PID1: variants seen among roughly 807,000 people sequenced by gnomAD.
PID1 encodes the protein phosphotyrosine interaction domain containing 1.
PID1 carries 10 observed loss-of-function variants against 19.1 expected under a neutral mutation model. That is an observed-to-expected ratio of 0.52 (90% CI 0.32 to 0.89). PID1 has a LOEUF of 0.89. Among genes scored for constraint, PID1 ranks in the 40% least tolerant of loss-of-function variants. PID1 has a pLI of 0.03. For synonymous variants in PID1, 130 were observed against 116.0 expected, an observed-to-expected ratio of 1.12 and a Z score of -0.78; for missense variants, 248 against 285.3, an observed-to-expected ratio of 0.87 and a Z score of 0.94.
In PID1 at chr2:229,231,769, G is replaced by A. The variant is rs553275172; in HGVS notation, c.30+39245C>T. 5.9e-5 allele frequency among the ~76,000 whole-genome samples: 9 copies of A among 152,246 alleles called. No homozygotes were observed. The East Asian group carries it at 1.4e-3, about 23-fold the overall frequency. ...AGGTTTCTGTCATTCATGTTGCCAT[G>A]GATGTGTCTCAATAGTCCAGATGTG... On this transcript the variant is annotated intron_variant, in intron 1 of 2. Coordinates refer to ENST00000392055, the MANE Select transcript of PID1 (RefSeq NM_001100818.2).
intron 2 of PID1, among the ~76,000 whole-genome samples, chr2:229,069,141 T>TGTGTG (rs1553559147): frequency 1.6e-5 from 2 of 128,714 alleles, no homozygotes; most frequent in Non-Finnish European, 3.4e-5. Flanking sequence ...CGAGAAGGGT[T>TGTGTG]TTTGTGTGTG....
Position 229,155,887 on chromosome 2 carries a change from A to G in PID1, c.108T>C (p.His36=). 6.2e-7 allele frequency: 1 copy of G among 1,614,000 alleles called. No homozygotes were observed. Among genetic ancestry groups the G allele is most frequent in the East Asian group, 2.2e-5 (1 of 44,876 alleles). ...KKEPLPAVIF[H]EPEAIELCTT... ...TGCACAGCTCAATGGCCTCCGGCTCATGGAAGATGACCGCTGGGAGAGGTT... is the reference window on the plus strand; with the variant it reads ...TGCACAGCTCAATGGCCTCCGGCTCGTGGAAGATGACCGCTGGGAGAGGTT... The change falls in exon 2 of 3, where the codon CAT becomes CAC. Residue 36 remains histidine (H), a synonymous_variant. Transcript: ENST00000392055.
At chr2:229,158,483 A>G (rs1031226192) in intron 1 of PID1, among the ~76,000 whole-genome samples, 2 of 152,214 alleles carry the variant, frequency 1.3e-5, no homozygotes, top group Non-Finnish European at 2.9e-5. Context: ...AGGAGCAGAA[A>G]CTATTTTATT....
In PID1 at chr2:229,245,943, G is replaced by A. The variant is rs1170676422; in HGVS notation, c.30+25071C>T. The stretch of plus-strand genomic sequence containing the variant: ...CATCCTTCATTTTGGCTGTAGTTTC[G>A]TTGGTTGTTGGGCTGTTTTTCGTGC... On this transcript the variant is annotated intron_variant, in intron 1 of 2. Coordinates refer to ENST00000392055, the MANE Select transcript of PID1 (RefSeq NM_001100818.2). Among the ~76,000 whole-genome samples the A allele has an allele frequency of 2.6e-5, 4 of 152,234 alleles. No homozygotes were observed. In the East Asian group the frequency reaches 5.8e-4, roughly 22 times the overall value.
chr2:229,265,229 C>T (rs1234549360), intron 1 of PID1, among the ~76,000 whole-genome samples: 1 of 152,046 alleles, frequency 6.6e-6, no homozygotes, highest in African/African-American at 2.4e-5. Flanking sequence ...AAAGTAAGAA[C>T]TCGGTTGAAA....
chr2:229,183,404 G>A (rs1370396123), intron 1 of PID1, among the ~76,000 whole-genome samples: 1 of 152,208 alleles, frequency 6.6e-6, no homozygotes, highest in African/African-American at 2.4e-5. Flanking sequence ...ATTGGGCCAT[G>A]GGGCCCAGGT....
chr2:229,050,269 T>C (rs1693967986), intron 2 of PID1, among the ~76,000 whole-genome samples: 1 of 152,108 alleles, frequency 6.6e-6, no homozygotes, highest in Non-Finnish European at 1.5e-5. Context: ...CTCTCTCACA[T>C]ATCACAATGC....
At chr2:229,270,885 G>T in intron 1 of PID1, 129 bp downstream of exon 1, 1 of 745,722 alleles carries the variant, frequency 1.3e-6, no homozygotes, top group Non-Finnish European at 2.1e-6. Context: ...ACAGCATCAT[G>T]TTGCCATCGA....
intron 1 of PID1, among the ~76,000 whole-genome samples, chr2:229,188,076 C>A (rs955176150): frequency 2.0e-5 from 3 of 152,162 alleles, no homozygotes; most frequent in African/African-American, 7.2e-5. Context: ...ATCCATGACA[C>A]AAATTATACA....
intron 1 of PID1, among the ~76,000 whole-genome samples, chr2:229,171,828 C>A (rs991689144): frequency 5.3e-5 from 8 of 152,212 alleles, no homozygotes; most frequent in Non-Finnish European, 1.0e-4. Flanking sequence ...TGTTGCTTGA[C>A]TATATACCAC....
At chr2:229,227,949 T>C (rs1335249575) in intron 1 of PID1, 2 of 455,720 alleles carry the variant, frequency 4.4e-6, no homozygotes, top group Non-Finnish European at 8.8e-6. Flanking sequence ...TACCATGCCA[T>C]TTCATACCAC....
At chr2:229,077,984 A>C (rs2215601) in intron 2 of PID1, among the ~76,000 whole-genome samples, 152,302 of 152,310 alleles carry the variant, frequency 1, 76,147 homozygotes, top group Non-Finnish European at 1. Flanking sequence ...GCAGTATGAC[A>C]ATTTCCACGA....
intron 1 of PID1, among the ~76,000 whole-genome samples, chr2:229,183,765 C>T (rs948962108): frequency 2.6e-5 from 4 of 151,868 alleles, no homozygotes; most frequent in African/African-American, 9.7e-5. Context: ...ACTGGCTATC[C>T]TGTGTCTCCA....
intron 1 of PID1, among the ~76,000 whole-genome samples, chr2:229,244,521 CAGAA>C (rs779300381): frequency 2.0e-5 from 3 of 152,124 alleles, no homozygotes; most frequent in South Asian, 2.1e-4. Flanking sequence ...GCAAATGAGA[CAGAA>C]AGAGAGATTC....
chr2:229,203,388 T>C (rs1691539624), intron 1 of PID1, among the ~76,000 whole-genome samples: 1 of 152,084 alleles, frequency 6.6e-6, no homozygotes, highest in African/African-American at 2.4e-5. Context: ...AAACTGCAAC[T>C]TTAAGCGAAA....
At chr2:229,059,212 GAGTT>G (rs1401616772) in intron 2 of PID1, among the ~76,000 whole-genome samples, 1 of 152,142 alleles carries the variant, frequency 6.6e-6, no homozygotes, top group African/African-American at 2.4e-5. Flanking sequence ...GTGTGTGGCT[GAGTT>G]AGTTAAAGTT....
chr2:229,195,790 T>A (rs1292417375), intron 1 of PID1, among the ~76,000 whole-genome samples: 1 of 152,088 alleles, frequency 6.6e-6, no homozygotes. Context: ...TACAGTGTTG[T>A]AATGAACAGC....
Position 229,060,993 on chromosome 2 carries a change from T to C in PID1, c.178-34885A>G, listed in dbSNP as rs940738261. ...TTGTTATTGGGTTGTTTGAATTCTT[T>C]ATAAATTTTGGATTATAGCCTCTTA... is the stretch of plus-strand genomic sequence containing the variant. On this transcript the variant is annotated intron_variant, in intron 2 of 2. Transcript: ENST00000392055. 9.2e-5 allele frequency among the ~76,000 whole-genome samples: 14 copies of C among 152,102 alleles called. 1 individual carries two copies. The highest frequency in any genetic ancestry group is 3.4e-4 in the African/African-American group (14 of 41,464).
intron 2 of PID1, among the ~76,000 whole-genome samples, chr2:229,151,170 GA>G (rs931086163): frequency 1.3e-5 from 2 of 152,046 alleles, no homozygotes; most frequent in Non-Finnish European, 2.9e-5. Context: ...GAAAGGTGCA[GA>G]AGCCTGAAGA....
Sources: gnomAD v4.1 joint callset for allele counts (sites outside exome capture counted in the v4.1 genomes callset) on GRCh38, gnomAD v4.1.1 for gene constraint, MANE v1.5 for transcripts, NCBI Gene and HGNC (gene_info 2026-07-23, HGNC 2026-07-21) for gene names.